The following GRXCR1 variants were observed in gnomAD, a reference collection of about 807,000 sequenced individuals.
The protein encoded by GRXCR1 is glutaredoxin domain-containing cysteine-rich protein 1.
GRXCR1 carries 27 observed loss-of-function variants against 27.3 expected under a neutral mutation model. That is an observed-to-expected ratio of 0.99 (90% CI 0.73 to 1.37). The LOEUF is 1.37. Among genes scored for constraint, GRXCR1 ranks in the 40% most tolerant of loss-of-function variants. GRXCR1 has a pLI of 0.00. For synonymous variants in GRXCR1, 122 were observed against 131.1 expected (o/e 0.93, Z 0.47); for missense variants, 379 against 354.4 (o/e 1.07, Z -0.56).
chr4:42,969,693 C>T (rs549392697), intron 2 of GRXCR1, among the ~76,000 whole-genome samples: 13 of 152,124 alleles, frequency 8.5e-5, no homozygotes, highest in African/African-American at 2.9e-4. Context: ...CAGGTCCCTC[C>T]CTGGCACACA....
chr4:42,937,222 T>C (rs901137988), intron 1 of GRXCR1, among the ~76,000 whole-genome samples: 8 of 152,028 alleles, frequency 5.3e-5, no homozygotes, highest in African/African-American at 1.9e-4. Context: ...TTGTTCCAGC[T>C]TTGGTCATTG....
chr4:43,027,299 C>G (rs963886080), intron 3 of GRXCR1, among the ~76,000 whole-genome samples: 2 of 152,046 alleles, frequency 1.3e-5, no homozygotes, highest in Non-Finnish European at 2.9e-5. Flanking sequence ...CTCTGAGGAT[C>G]CTATTTTAGA....
Position 42,899,110 on chromosome 4 carries a change from A to C in GRXCR1, c.384+5460A>C, listed in dbSNP as rs555148048. Among the ~76,000 whole-genome samples, 3 of 152,214 alleles carry C rather than the reference A, an allele frequency of 2.0e-5. No individual in the cohort carries two copies. In the South Asian group the frequency reaches 6.2e-4, roughly 32 times the overall value. On this transcript the variant is annotated intron_variant, in intron 1 of 3. Coordinates refer to ENST00000399770, the MANE Select transcript of GRXCR1 (RefSeq NM_001080476.3). ...AGCGCACATACTGAGTAGGACCTCAATAAATTTTCTTCCTTGAGTTAATGA... is the reference window on the plus strand; with the variant it reads ...AGCGCACATACTGAGTAGGACCTCACTAAATTTTCTTCCTTGAGTTAATGA...
chr4:42,979,315 T>C (rs1748596516), intron 2 of GRXCR1, among the ~76,000 whole-genome samples: 1 of 152,094 alleles, frequency 6.6e-6, no homozygotes, highest in South Asian at 2.1e-4. Context: ...ATTTTAGCTA[T>C]GAGTTTGTGA....
intron 1 of GRXCR1, among the ~76,000 whole-genome samples, chr4:42,937,921 A>G (rs1232963592): frequency 6.6e-6 from 1 of 152,016 alleles, no homozygotes; most frequent in Admixed American, 6.6e-5. Context: ...TTTGAGTTAT[A>G]AACATTTCAA....
At chr4:43,009,236 T>C (rs1712658478) in intron 2 of GRXCR1, among the ~76,000 whole-genome samples, 1 of 152,200 alleles carries the variant, frequency 6.6e-6, no homozygotes. Context: ...TTCTGGCAGG[T>C]AGAATCCCTG....
At chr4:42,999,916 G>C (rs1712294552) in intron 2 of GRXCR1, among the ~76,000 whole-genome samples, 1 of 152,190 alleles carries the variant, frequency 6.6e-6, no homozygotes, top group Non-Finnish European at 1.5e-5. Context: ...TCTGGTTAAT[G>C]TGTCTTTGTT....
intron 1 of GRXCR1, among the ~76,000 whole-genome samples, chr4:42,902,421 G>C (rs139173031): frequency 6.6e-6 from 1 of 152,110 alleles, no homozygotes; most frequent in Non-Finnish European, 1.5e-5. Flanking sequence ...GAGGATAATG[G>C]CTTCCAACTC....
intron 2 of GRXCR1, 96 bp from the exon 3 acceptor site, chr4:43,020,258 C>T: frequency 1.3e-6 from 1 of 787,384 alleles, no homozygotes; most frequent in South Asian, 1.4e-5. Flanking sequence ...AAGAACTGTG[C>T]TCAGTATTTT....
In GRXCR1 at chr4:42,934,472, A is replaced by G. The variant is rs375309580; in HGVS notation, c.385-28420A>G. Among the ~76,000 whole-genome samples, 69 of 151,904 alleles carry G rather than the reference A, an allele frequency of 4.5e-4. 2 individuals carry two copies. In the South Asian group the frequency reaches 0.01, roughly 23 times the overall value. ...AACACATGGATTAGCACTTCTTTTC[A>G]TAGAATTAATATAATTCCATGTGAA... On this transcript the variant is annotated intron_variant, in intron 1 of 3. Transcript: ENST00000399770.
At chr4:42,958,989 G>A (rs1293214050) in intron 1 of GRXCR1, among the ~76,000 whole-genome samples, 1 of 151,892 alleles carries the variant, frequency 6.6e-6, no homozygotes, top group Non-Finnish European at 1.5e-5. Flanking sequence ...GATTACTGTA[G>A]CCATTATGAA....
At chr4:42,944,060 A>G (rs1747687945) in intron 1 of GRXCR1, among the ~76,000 whole-genome samples, 1 of 152,096 alleles carries the variant, frequency 6.6e-6, no homozygotes, top group South Asian at 2.1e-4. Context: ...ACGTTTGGCA[A>G]TAGGAAGGCA....
At chr4:43,010,164 G>A (rs981969168) in intron 2 of GRXCR1, among the ~76,000 whole-genome samples, 3 of 152,154 alleles carry the variant, frequency 2.0e-5, no homozygotes, top group African/African-American at 4.8e-5. Context: ...CACTTTGGGA[G>A]GCCAAGATGG....
chr4:43,001,093 ATTTTTGTATTT>A (rs1712341310), intron 2 of GRXCR1, among the ~76,000 whole-genome samples: 1 of 150,610 alleles, frequency 6.6e-6, no homozygotes, highest in South Asian at 2.1e-4. Context: ...TGCCCAGCTA[ATTTTTGTATTT>A]TTTTTTTTTT....
At chr4:42,930,583 C>A (rs2109756107) in intron 1 of GRXCR1, among the ~76,000 whole-genome samples, 1 of 152,058 alleles carries the variant, frequency 6.6e-6, no homozygotes, top group East Asian at 1.9e-4. Context: ...ATTATTGAGA[C>A]TAATGGCTAA....
intron 2 of GRXCR1, among the ~76,000 whole-genome samples, chr4:42,985,707 G>A (rs180864760): frequency 6.6e-6 from 1 of 152,134 alleles, no homozygotes; most frequent in Admixed American, 6.5e-5. Context: ...TTAAAAGAAT[G>A]TCTTAAATAT....
intron 2 of GRXCR1, among the ~76,000 whole-genome samples, chr4:43,006,249 T>C (rs553088363): frequency 6.6e-6 from 1 of 152,226 alleles, no homozygotes; most frequent in East Asian, 1.9e-4. Flanking sequence ...GTTTGAGCAA[T>C]ATGAAATGTG....
At chr4:43,012,991 A>G (rs1712808455) in intron 2 of GRXCR1, among the ~76,000 whole-genome samples, 1 of 152,172 alleles carries the variant, frequency 6.6e-6, no homozygotes. Context: ...AACATCTCAC[A>G]GTCAGAATGG....
Position 42,892,915 on chromosome 4 carries a change from T to C in GRXCR1, c.-352T>C, listed in dbSNP as rs1746265432. Among the ~76,000 whole-genome samples the C allele has an allele frequency of 6.6e-6, 1 of 152,144 alleles. No individual in the cohort carries two copies. The highest frequency in any genetic ancestry group is 2.4e-5 in the African/African-American group (1 of 41,466). On this transcript the variant is annotated 5_prime_UTR_variant, in exon 1 of 4. Transcript: ENST00000399770. ...GTCCTTTTCAATGCCCACCATTGGC[T>C]TCAAAGTTCAAGCCTTTCATTTTCT...
Sources: gnomAD v4.1 joint callset for allele counts (sites outside exome capture counted in the v4.1 genomes callset) on GRCh38, gnomAD v4.1.1 for gene constraint, MANE v1.5 for transcripts, NCBI Gene and HGNC (gene_info 2026-07-23, HGNC 2026-07-21) for gene names.